KIF6: variants seen among roughly 807,000 people sequenced by gnomAD.
The protein encoded by KIF6 is kinesin family member 6, also known as kinesin-like protein KIF6.
A neutral mutation model predicts 112.7 loss-of-function variants in KIF6; 106 were observed. The ratio of observed to expected loss-of-function variants is 0.94; its 90% confidence interval spans 0.80 to 1.11. KIF6 has a LOEUF of 1.11. Ranked by LOEUF, KIF6 falls within the 50% of genes least tolerant of loss-of-function variation. The pLI is 0.00. For synonymous variants in KIF6, 339 were observed against 339.9 expected (o/e 1.00, Z 0.03); for missense variants, 929 against 964.0 (o/e 0.96, Z 0.48).
chr6:39,684,480 T>C (rs1787728990), intron 3 of KIF6, among the ~76,000 whole-genome samples: 1 of 151,976 alleles, frequency 6.6e-6, no homozygotes, highest in South Asian at 2.1e-4. Flanking sequence ...CTGGGCATGG[T>C]GACACAAGCC....
At chr6:39,583,536 T>C (rs1561835387) in intron 9 of KIF6, 3 of 469,722 alleles carry the variant, frequency 6.4e-6, no homozygotes, top group Non-Finnish European at 1.3e-5. Flanking sequence ...TCCTTCCCCC[T>C]CTGTCCTTCC....
At chr6:39,468,191 A>G (rs1773908940) in intron 13 of KIF6, among the ~76,000 whole-genome samples, 1 of 152,078 alleles carries the variant, frequency 6.6e-6, no homozygotes, top group Non-Finnish European at 1.5e-5. Flanking sequence ...AAAAAGAATA[A>G]AGCAAACAAA....
chr6:39,581,386 A>G (rs1781287623), intron 9 of KIF6, among the ~76,000 whole-genome samples: 3 of 151,456 alleles, frequency 2.0e-5, no homozygotes, highest in African/African-American at 7.3e-5. Context: ...CATGCACCTG[A>G]CCTCAGGTGA....
intron 15 of KIF6, among the ~76,000 whole-genome samples, chr6:39,411,415 A>G (rs776043073): frequency 6.6e-6 from 1 of 152,196 alleles, no homozygotes; most frequent in Non-Finnish European, 1.5e-5. Flanking sequence ...CTAGCTCATC[A>G]GGTTTATGTT....
At chr6:39,508,454 T>C (rs1776568329) in intron 13 of KIF6, among the ~76,000 whole-genome samples, 1 of 152,150 alleles carries the variant, frequency 6.6e-6, no homozygotes, top group Non-Finnish European at 1.5e-5. Flanking sequence ...CTCCCTTTCC[T>C]AGCCAAGGAA....
intron 3 of KIF6, among the ~76,000 whole-genome samples, chr6:39,657,563 T>C (rs1023754811): frequency 6.6e-6 from 1 of 152,180 alleles, no homozygotes; most frequent in Admixed American, 6.5e-5. Context: ...GTCAACACAA[T>C]TACATAATTG....
intron 9 of KIF6, among the ~76,000 whole-genome samples, chr6:39,583,806 T>C (rs546686277): frequency 2.6e-5 from 4 of 151,586 alleles, no homozygotes; most frequent in African/African-American, 4.8e-5. Context: ...TTATGGAATT[T>C]GATACAATTG....
At chr6:39,708,932 A>ATGGTATTG (rs1305196414) in intron 3 of KIF6, among the ~76,000 whole-genome samples, 1 of 152,008 alleles carries the variant, frequency 6.6e-6, no homozygotes, top group Admixed American at 6.6e-5. Context: ...GCTCTTTTGT[A>ATGGTATTG]TACTGCAATA....
At chr6:39,633,395 C>T (rs1784457269) in intron 5 of KIF6, among the ~76,000 whole-genome samples, 2 of 152,152 alleles carry the variant, frequency 1.3e-5, no homozygotes, top group Non-Finnish European at 2.9e-5. Flanking sequence ...GTTCCAGTCC[C>T]AGTCCTACAG....
intron 10 of KIF6, among the ~76,000 whole-genome samples, chr6:39,575,559 C>T (rs902517318): frequency 6.6e-6 from 1 of 152,088 alleles, no homozygotes; most frequent in South Asian, 2.1e-4. Context: ...CGTGAGCCAC[C>T]ACGCCCGGCT....
At chr6:39,360,265 C>A in intron 18 of KIF6, 130 bp downstream of exon 18, 1 of 1,002,288 alleles carries the variant, frequency 1.0e-6, no homozygotes, top group Non-Finnish European at 1.5e-6. Flanking sequence ...ACAGTGAGCA[C>A]CTGCTTCATG....
chr6:39,344,870 C>T (rs1489033158), intron 21 of KIF6, among the ~76,000 whole-genome samples: 6 of 152,194 alleles, frequency 3.9e-5, no homozygotes, highest in African/African-American at 1.2e-4. Flanking sequence ...AAAAAAACTA[C>T]CTTTCCCAGA....
At chr6:39,605,068 A>G (rs1205637506) in intron 6 of KIF6, among the ~76,000 whole-genome samples, 4 of 152,130 alleles carry the variant, frequency 2.6e-5, no homozygotes, top group African/African-American at 9.7e-5. Context: ...TTTAATTGGA[A>G]CTACATTCAA....
chr6:39,630,713 G>A lies in KIF6; in HGVS notation c.509+4136C>T, dbSNP rs961126756. Among the ~76,000 whole-genome samples the A allele has an allele frequency of 2.0e-5, 3 of 152,080 alleles. No individual in the cohort carries two copies. In the South Asian group the frequency reaches 6.2e-4, roughly 32 times the overall value. On this transcript the variant is annotated intron_variant, in intron 5 of 22. Coordinates refer to ENST00000287152, the MANE Select transcript of KIF6 (RefSeq NM_145027.6). Reference sequence around the variant, plus strand: ...TGGCTAGGACTTCCAGTACAATGTTGAATTAGAGTGGTGAGAGGGACATAC... The same window carrying A: ...TGGCTAGGACTTCCAGTACAATGTTAAATTAGAGTGGTGAGAGGGACATAC...
chr6:39,539,920 A>T, intron 13 of KIF6, 83 bp downstream of exon 13: 2 of 975,116 alleles, frequency 2.1e-6, no homozygotes, highest in Non-Finnish European at 3.1e-6. Context: ...TTGAGCCTTC[A>T]TCCTGATACA....
At chr6:39,525,206 T>G (rs891068853) in intron 13 of KIF6, among the ~76,000 whole-genome samples, 7 of 152,062 alleles carry the variant, frequency 4.6e-5, no homozygotes, top group Non-Finnish European at 5.9e-5. Flanking sequence ...TGCAGTGGTA[T>G]GATCTCAGCT....
At chr6:39,590,117 T>C (rs1380801694) in intron 7 of KIF6, among the ~76,000 whole-genome samples, 1 of 152,036 alleles carries the variant, frequency 6.6e-6, no homozygotes, top group Non-Finnish European at 1.5e-5. Flanking sequence ...TGGCAAGAGA[T>C]GCCAAGCAGA....
intron 13 of KIF6, among the ~76,000 whole-genome samples, chr6:39,493,178 T>C (rs1290856441): frequency 6.6e-6 from 1 of 152,234 alleles, no homozygotes; most frequent in Non-Finnish European, 1.5e-5. Flanking sequence ...CTGTCAATCC[T>C]GAATGACTCA....
intron 3 of KIF6, among the ~76,000 whole-genome samples, chr6:39,697,501 T>C (rs1351012546): frequency 1.3e-5 from 2 of 151,840 alleles, no homozygotes; most frequent in East Asian, 1.9e-4. Context: ...GAAAAAGATC[T>C]CAAGACTAAT....
Sources: allele counts gnomAD v4.1 joint callset (sites outside exome capture counted in the v4.1 genomes callset), GRCh38; gene constraint gnomAD v4.1.1; transcripts MANE v1.5; gene names NCBI Gene and HGNC (gene_info 2026-07-23, HGNC 2026-07-21).